Variants in MYOM1 observed in about 807,000 individuals in gnomAD.
The protein encoded by MYOM1 is myomesin-1.
Under a neutral mutation model 205.3 loss-of-function variants are expected in MYOM1, and 164 were observed. The observed-to-expected ratio is 0.80, with a 90% CI of 0.70 to 0.91. The LOEUF is 0.91. Ranked by LOEUF, MYOM1 falls within the 40% of genes least tolerant of loss-of-function variation. The pLI is 0.00. For missense variants in MYOM1, 2,011 were observed against 2,127.3 expected (o/e 0.95, Z 1.08); for synonymous variants, 772 against 789.4 (o/e 0.98, Z 0.37).
chr18:3,188,553 C>T (rs750916539), intron 4 of MYOM1, among the ~76,000 whole-genome samples, 195 bp downstream of exon 4: 10 of 151,768 alleles, frequency 6.6e-5, no homozygotes, highest in South Asian at 2.1e-4. Flanking sequence ...CGCTTGAATC[C>T]GGGAGGCGGA....
In MYOM1 at chr18:3,134,811, A is replaced by C. The variant is rs914872922; in HGVS notation, c.2223T>G (p.Ala741=). 6.2e-7 allele frequency: 1 copy of C among 1,613,944 alleles called. No homozygotes were observed. Among genetic ancestry groups the C allele is most frequent in the Middle Eastern group, 1.6e-4 (1 of 6,062 alleles). The change falls in exon 16 of 38, where the codon GCT becomes GCG. Residue 741 remains alanine (A), a synonymous_variant. Coordinates refer to ENST00000356443, the MANE Select transcript of MYOM1 (RefSeq NM_003803.4). The part of the protein sequence containing the change: ...VVGDKLDIPK[A]PGKIIPSRNT... ...TTCTGCTTGGGATGATTTTGCCAGG[A>C]GCCTTGGGGATATCTGAGAAAGAGG...
At chr18:3,139,407 G>A (rs1485199051) in intron 14 of MYOM1, among the ~76,000 whole-genome samples, 1 of 152,174 alleles carries the variant, frequency 6.6e-6, no homozygotes, top group Non-Finnish European at 1.5e-5. Context: ...TGATTTATCT[G>A]AGTCCCTTGC....
intron 26 of MYOM1, among the ~76,000 whole-genome samples, chr18:3,092,318 G>A (rs987728208): frequency 7.9e-5 from 12 of 152,112 alleles, no homozygotes. Context: ...TCAGGATCTT[G>A]AGGCTAGGAC....
chr18:3,116,725 C>T (rs1567914115), intron 20 of MYOM1, among the ~76,000 whole-genome samples: 1 of 152,160 alleles, frequency 6.6e-6, no homozygotes, highest in African/African-American at 2.4e-5. Context: ...TTAAGGGTGG[C>T]AGGTAGGTAA....
the MYOM1 span, among the ~76,000 whole-genome samples, chr18:3,225,261 A>G: frequency 3.3e-5 from 5 of 152,264 alleles, no homozygotes; most frequent in South Asian, 1.0e-3. Context: ...TGCCGGGATT[A>G]CAGGCGTGAG....
intron 12 of MYOM1, 150 bp from the exon 13 acceptor site, chr18:3,149,351 T>G: frequency 1.6e-6 from 1 of 616,714 alleles, no homozygotes; most frequent in Admixed American, 2.9e-5. Context: ...ATCAATCATG[T>G]AGAGGGCACT....
At position 3,173,187 on chromosome 18, in the gene MYOM1, G is replaced by A. The variant is rs1399239127; in HGVS notation, c.1174+751C>T. On this transcript the variant is annotated intron_variant, in intron 8 of 37. Coordinates refer to ENST00000356443, the MANE Select transcript of MYOM1 (RefSeq NM_003803.4). ...ATAGAAGTTCTGATGTAAATGAAAT[G>A]ACTGACATTCACAAATTTGTAAATT... is the stretch of plus-strand genomic sequence containing the variant. Among the ~76,000 whole-genome samples the A allele has an allele frequency of 5.3e-5, 8 of 152,192 alleles. 1 individual carries two copies. Among genetic ancestry groups the A allele is most frequent in the Non-Finnish European group, 1.2e-4 (8 of 68,012 alleles).
intron 34 of MYOM1, 64 bp downstream of exon 34, chr18:3,079,115 C>T (rs1028122484): frequency 4.5e-6 from 7 of 1,554,422 alleles, no homozygotes; most frequent in African/African-American, 4.1e-5. Context: ...GCCCAACTCC[C>T]TTCATTCCTT....
chr18:3,119,589 T>G (rs901728575), intron 20 of MYOM1, among the ~76,000 whole-genome samples: 4 of 152,178 alleles, frequency 2.6e-5, no homozygotes, highest in Non-Finnish European at 5.9e-5. Context: ...TCATTTGCAC[T>G]CAAGCCGGCT....
intron 10 of MYOM1, among the ~76,000 whole-genome samples, chr18:3,158,587 G>C (rs2080335764): frequency 6.6e-6 from 1 of 151,990 alleles, no homozygotes; most frequent in South Asian, 2.1e-4. Flanking sequence ...CAATATGATA[G>C]GAAAAACAAT....
chr18:3,111,056 A>C (rs890593479), intron 22 of MYOM1, among the ~76,000 whole-genome samples: 4 of 142,750 alleles, frequency 2.8e-5, no homozygotes, highest in African/African-American at 1.1e-4. Context: ...GGTTCACGCG[A>C]TTTTCCTGCC....
At chr18:3,186,761 G>A (rs1348994374) in intron 5 of MYOM1, among the ~76,000 whole-genome samples, 1 of 142,910 alleles carries the variant, frequency 7.0e-6, no homozygotes, top group Non-Finnish European at 1.5e-5. Context: ...AAGAAGGAAG[G>A]AAGGAAAGGA....
At position 3,219,189 on chromosome 18, in the gene MYOM1, G is replaced by T. The variant is rs759876712; in HGVS notation, c.-29+614C>A. The stretch of plus-strand genomic sequence containing the variant: ...TACAAATTCCATAGCTGTAATTTAT[G>T]ATACTTTTGTGCAGGCATTAGAGGG... On this transcript the variant is annotated intron_variant, in intron 1 of 37. Transcript: ENST00000356443. The surrounding 1 kb of genome is among the most constrained non-coding windows in gnomAD (Gnocchi z 4.4). 2.0e-5 allele frequency among the ~76,000 whole-genome samples: 3 copies of T among 152,176 alleles called. No homozygotes were observed. The highest frequency in any genetic ancestry group is 2.9e-5 in the Non-Finnish European group (2 of 68,028).
chr18:3,197,872 C>CA (rs200265344), intron 2 of MYOM1, among the ~76,000 whole-genome samples: 3 of 151,604 alleles, frequency 2.0e-5, no homozygotes, highest in African/African-American at 7.3e-5. Context: ...GACTCCATCT[C>CA]AAAAAAGAAA....
chr18:3,156,706 C>T (rs185675273), intron 10 of MYOM1, among the ~76,000 whole-genome samples: 153 of 151,804 alleles, frequency 1.0e-3, no homozygotes, highest in African/African-American at 3.3e-3. Context: ...CCCGGGTTCA[C>T]GCCATTCTCC....
At chr18:3,144,222 A>G (rs1293462815) in intron 13 of MYOM1, among the ~76,000 whole-genome samples, 1 of 152,122 alleles carries the variant, frequency 6.6e-6, no homozygotes, top group Admixed American at 6.6e-5. Flanking sequence ...CAAACAAAAA[A>G]AGGCACTGTT....
At chr18:3,186,824 G>GAA (rs1488174616) in intron 5 of MYOM1, among the ~76,000 whole-genome samples, 2 of 130,288 alleles carry the variant, frequency 1.5e-5, no homozygotes, top group Non-Finnish European at 3.3e-5. Context: ...AAGAAAGAAA[G>GAA]AGAAAGAAAG....
intron 2 of MYOM1, 46 bp downstream of exon 2, chr18:3,214,888 C>T (rs762413379): frequency 1.2e-5 from 18 of 1,527,756 alleles, no homozygotes; most frequent in Admixed American, 2.0e-5. Flanking sequence ...TCAGAGCACA[C>T]GCCTCTTCCT....
intron 10 of MYOM1, among the ~76,000 whole-genome samples, chr18:3,162,256 A>T (rs191083215): frequency 6.6e-6 from 1 of 152,166 alleles, no homozygotes. Context: ...TAGCCACTTC[A>T]GCCACACCTC....
Sources: gnomAD v4.1 joint callset for allele counts (sites outside exome capture counted in the v4.1 genomes callset) on GRCh38, gnomAD v4.1.1 for gene constraint, Gnocchi (gnomAD v3.1) non-coding constraint, MANE v1.5 for transcripts, NCBI Gene and HGNC (gene_info 2026-07-23, HGNC 2026-07-21) for gene names.